ASPM: variants seen among roughly 807,000 people sequenced by gnomAD.
ASPM encodes the protein assembly factor for spindle microtubules, also known as abnormal spindle-like microcephaly-associated protein.
Under a neutral mutation model 366.4 loss-of-function variants are expected in ASPM, and 256 were observed. The ratio of observed to expected loss-of-function variants is 0.70; its 90% CI spans 0.63 to 0.77. The LOEUF (loss-of-function observed/expected upper bound fraction) is 0.77, where lower values mean the gene tolerates loss of function less well. Ranked by LOEUF, ASPM falls within the 30% of genes least tolerant of loss-of-function variation. ASPM has a pLI of 0.00. For synonymous variants in ASPM, 1,414 were observed against 1,342.9 expected (o/e 1.05, Z -1.16); for missense variants, 4,146 against 4,090.4 (o/e 1.01, Z -0.37).
At chr1:197,085,877 G>C (rs991758817) in intron 27 of ASPM, among the ~76,000 whole-genome samples, 3 of 152,008 alleles carry the variant, frequency 2.0e-5, no homozygotes, top group Non-Finnish European at 2.9e-5. Flanking sequence ...TACATTTAAA[G>C]GATGCATTTA....
chr1:197,144,190 T>A, intron 1 of ASPM, 90 bp from the exon 2 acceptor site: 1 of 904,818 alleles, frequency 1.1e-6, no homozygotes, highest in Non-Finnish European at 1.8e-6. Flanking sequence ...TAGTAGGGCT[T>A]AATAATTGTT....
Position 197,094,617 on chromosome 1 carries a change from C to A in ASPM, c.8988-437G>T, listed in dbSNP as rs78101011. On this transcript the variant is annotated intron_variant, in intron 19 of 27. Transcript: ENST00000367409. ...TGATTACAAGCAGCATCAGGTACTT[C>A]CTTTCATTTGAAAGGAAAAATAGAT... Among the ~76,000 whole-genome samples, 103 of 151,704 alleles carry A rather than the reference C, an allele frequency of 6.8e-4. 1 individual carries two copies. The East Asian group carries it at 0.02, about 29-fold the overall frequency.
chr1:197,111,977 G>A (rs1657600490), intron 17 of ASPM, among the ~76,000 whole-genome samples: 1 of 152,080 alleles, frequency 6.6e-6, no homozygotes, highest in South Asian at 2.1e-4. Flanking sequence ...CCTAAAAGCA[G>A]AAATACCATT....
chr1:197,122,467 T>G lies in ASPM; in HGVS notation c.3519A>C (p.Gln1173His), dbSNP rs568559471. Residue 1173 changes from glutamine to histidine, a missense_variant, in exon 14 of 28, where the codon CAA becomes CAC. By Grantham distance (24) the Gln-to-His change is conservative. Coordinates refer to ENST00000367409, the MANE Select transcript of ASPM (RefSeq NM_018136.5). The part of the protein sequence containing the change: ...QRTTQTVECT[Q>H]TGSVVLNSSS... ...ATGAATTTAATACCACTGAACCAGT[T>G]TGCGTACATTCCACAGTTTGAGTAG... is the stretch of plus-strand genomic sequence containing the variant. 6.2e-7 allele frequency: 1 copy of G among 1,613,744 alleles called. No individual in the cohort carries two copies. The highest frequency in any genetic ancestry group is 1.3e-5 in the African/African-American group (1 of 74,928).
chr1:197,093,288 T>C (rs1238643339), intron 20 of ASPM, 27 bp from the exon 21 acceptor site: 1 of 1,566,472 alleles, frequency 6.4e-7, no homozygotes, highest in Non-Finnish European at 8.8e-7. Context: ...ACAAGTAACA[T>C]TAATGGGTAG....
intron 21 of ASPM, 123 bp from the exon 22 acceptor site, chr1:197,092,179 C>T (rs1456404022): frequency 2.2e-6 from 2 of 892,620 alleles, no homozygotes; most frequent in Non-Finnish European, 3.5e-6. Flanking sequence ...AATTTTTAAT[C>T]ATTACAATTA....
intron 17 of ASPM, among the ~76,000 whole-genome samples, chr1:197,109,105 T>A (rs1318114196): frequency 6.6e-6 from 1 of 151,638 alleles, no homozygotes; most frequent in Non-Finnish European, 1.5e-5. Context: ...CACAATTATG[T>A]CAAGTAAAAA....
intron 25 of ASPM, among the ~76,000 whole-genome samples, chr1:197,089,034 G>T (rs1656690341): frequency 6.6e-6 from 1 of 151,950 alleles, no homozygotes; most frequent in East Asian, 1.9e-4. Context: ...CTGACCCTTT[G>T]TATGGCATGT....
intron 24 of ASPM, 48 bp from the exon 25 acceptor site, chr1:197,090,132 A>T (rs1490491600): frequency 1.2e-6 from 2 of 1,612,712 alleles, no homozygotes; most frequent in African/African-American, 1.3e-5. Context: ...TACAGCAACA[A>T]AATGAAGTTT....
intron 17 of ASPM, among the ~76,000 whole-genome samples, chr1:197,111,394 C>T (rs893226967): frequency 4.6e-5 from 7 of 151,996 alleles, no homozygotes; most frequent in South Asian, 2.1e-4. Flanking sequence ...CCATCTCACC[C>T]GTCAAGATGG....
At position 197,146,463 on chromosome 1, in the gene ASPM, C is replaced by G. The variant is rs1443935578; in HGVS notation, c.-26G>C. 4 of 1,601,072 alleles carry G rather than the reference C, an allele frequency of 2.5e-6. No individual in the cohort carries two copies. Among genetic ancestry groups the G allele is most frequent in the South Asian group, 2.2e-5 (2 of 90,862 alleles). On this transcript the variant is annotated 5_prime_UTR_variant, in exon 1 of 28. Coordinates refer to ENST00000367409, the MANE Select transcript of ASPM (RefSeq NM_018136.5). ...GGCAGATTCGAGACCCCTCCTGGAT[C>G]TCCTTGCCCCGCTCCCACGAGGCGG...
chr1:197,141,244 T>A (rs1658569775), intron 3 of ASPM, among the ~76,000 whole-genome samples: 2 of 152,122 alleles, frequency 1.3e-5, no homozygotes, highest in Non-Finnish European at 2.9e-5. Context: ...AAATTCAAAT[T>A]TCGGTGTTTA....
Position 197,146,362 on chromosome 1 carries a change from C to T in ASPM, c.76G>A (p.Gly26Ser), listed in dbSNP as rs746995684. The T allele has an allele frequency of 2.5e-6, 4 of 1,608,552 alleles. No individual in the cohort carries two copies. Among genetic ancestry groups the T allele is most frequent in the East Asian group, 2.2e-5 (1 of 44,772 alleles). The change falls in exon 1 of 28, where the codon GGC (glycine) becomes AGC (serine). Residue 26 changes from glycine (G) to serine (S), a missense_variant. This residue lies in a region of ASPM where 512 missense variants were observed against 471.7 expected (regional missense o/e 1.09). Transcript: ENST00000367409. ...GACGCCTCCTCCTCGGCCGCGGGGC[C>T]CCGCAGCCCCGCGGGCGGCCTCCGC... The part of the protein sequence containing the change: ...TERRPPAGLR[G>S]PAAEEEASSP...
At chr1:197,094,214 T>A (rs1044645523) in intron 19 of ASPM, 34 bp from the exon 20 acceptor site, 3 of 1,315,120 alleles carry the variant, frequency 2.3e-6, no homozygotes, top group Non-Finnish European at 3.3e-6. Context: ...AATGTCAAAT[T>A]ACTTTAACTT....
At chr1:197,119,904 T>C (rs1048571266) in intron 16 of ASPM, among the ~76,000 whole-genome samples, 3 of 152,120 alleles carry the variant, frequency 2.0e-5, no homozygotes. Flanking sequence ...AAGCAAAATA[T>C]AAAACCTGAA....
Position 197,090,163 on chromosome 1 carries a change from C to T in ASPM, c.9829+33G>A, listed in dbSNP as rs763865946. ...AGTTTTAGCTAATAATGTAGTATTA[C>T]ATCATTCTTTAAACATGTTAACACA... On this transcript the variant is annotated intron_variant, in intron 24 of 27. Coordinates refer to ENST00000367409, the MANE Select transcript of ASPM (RefSeq NM_018136.5). 2.5e-6 allele frequency: 4 copies of T among 1,612,090 alleles called. No homozygotes were observed. The East Asian group carries it at 6.7e-5, about 27-fold the overall frequency.
intron 6 of ASPM, 122 bp from the exon 7 acceptor site, chr1:197,132,474 T>G: frequency 2.6e-6 from 2 of 765,604 alleles, no homozygotes; most frequent in Non-Finnish European, 4.4e-6. Flanking sequence ...TAAGTTAATT[T>G]AAATAAAATA....
Position 197,146,238 on chromosome 1 carries a change from A to G in ASPM, c.200T>C (p.Leu67Pro). 1 of 1,614,116 alleles carries G rather than the reference A, an allele frequency of 6.2e-7. No homozygotes were observed. The highest frequency in any genetic ancestry group is 8.5e-7 in the Non-Finnish European group (1 of 1,180,022). The change falls in exon 1 of 28, where the codon CTA becomes CCA. Residue 67 changes from leucine (L) to proline (P), a missense_variant. Leu to Pro is a moderately conservative substitution (Grantham distance 98). Coordinates refer to ENST00000367409, the MANE Select transcript of ASPM (RefSeq NM_018136.5). ...LGASRTLSLA[L>P]DNPNEEVAEV... ...TGCCACCTCCTCGTTAGGGTTGTCTAGGGCCAGAGACAGCGTCCGTGAGGC... is the reference window on the plus strand; with the variant it reads ...TGCCACCTCCTCGTTAGGGTTGTCTGGGGCCAGAGACAGCGTCCGTGAGGC...
At chr1:197,139,495 T>C (rs773390103) in intron 4 of ASPM, among the ~76,000 whole-genome samples, 105 of 152,326 alleles carry the variant, frequency 6.9e-4, no homozygotes, top group African/African-American at 2.4e-3. Flanking sequence ...ATCTGTCTTT[T>C]CTTTATGCTA....
Sources: allele counts gnomAD v4.1 joint callset (sites outside exome capture counted in the v4.1 genomes callset), GRCh38; gene constraint gnomAD v4.1.1; regional missense constraint gnomAD v4.1.1; transcripts MANE v1.5; gene names NCBI Gene and HGNC (gene_info 2026-07-23, HGNC 2026-07-21).